Variants in CREBBP observed in about 807,000 individuals in gnomAD.
CREBBP encodes CREB binding lysine acetyltransferase, also known as CREB-binding protein.
Under a neutral mutation model 265.0 loss-of-function variants are expected in CREBBP, and 19 were observed. That is an observed-to-expected ratio of 0.07 (90% confidence interval 0.05 to 0.11). CREBBP has a LOEUF of 0.11. Among genes scored for constraint, CREBBP ranks in the 10% least tolerant of loss-of-function variants. The pLI is 1.00. For missense variants in CREBBP, 2,525 were observed against 3,219.0 expected (o/e 0.78, Z 5.22); for synonymous variants, 1,457 against 1,223.7 (o/e 1.19, Z -3.98).
chr16:3,807,263 T>C (rs2053849139), intron 3 of CREBBP, among the ~76,000 whole-genome samples: 1 of 152,194 alleles, frequency 6.6e-6, no homozygotes, highest in African/African-American at 2.4e-5. Flanking sequence ...AAGAGCTCCC[T>C]GGCCCAAGAC....
chr16:3,745,843 C>T (rs1267022884), intron 21 of CREBBP, among the ~76,000 whole-genome samples: 4 of 152,202 alleles, frequency 2.6e-5, no homozygotes, highest in African/African-American at 7.2e-5. Flanking sequence ...ACGCTAGGCG[C>T]GAGGCACAAA....
At chr16:3,767,565 G>C in intron 16 of CREBBP, 155 bp downstream of exon 16, 2 of 984,872 alleles carry the variant, frequency 2.0e-6, no homozygotes, top group Non-Finnish European at 3.0e-6. Flanking sequence ...CTCAGCCTGA[G>C]TGTTTCTGCA....
chr16:3,785,470 G>A (rs1473209127), intron 5 of CREBBP, among the ~76,000 whole-genome samples: 8 of 152,208 alleles, frequency 5.3e-5, no homozygotes, highest in Admixed American at 2.0e-4. Flanking sequence ...CTCATGTCAC[G>A]TTCCCTGTGC....
chr16:3,795,410 G>T (rs149314423), intron 3 of CREBBP, among the ~76,000 whole-genome samples: 3 of 151,868 alleles, frequency 2.0e-5, no homozygotes, highest in Non-Finnish European at 4.4e-5. Context: ...AAATGTTTAC[G>T]TATGAACCAT....
chr16:3,849,452 T>TGTGTGTGTGTGTG lies in CREBBP; in HGVS notation c.798+832_798+844dup, dbSNP rs2054772195. 5.2e-5 allele frequency among the ~76,000 whole-genome samples: 4 copies of TGTGTGTGTGTGTG among 76,224 alleles called. 1 individual carries two copies. Among genetic ancestry groups the TGTGTGTGTGTGTG allele is most frequent in the African/African-American group, 4.1e-5 (1 of 24,642 alleles). 50.0% of individuals were successfully genotyped at this position (76,224 alleles called of 152,430 possible). A position where few individuals can be genotyped will look rare whatever the true frequency, so the allele number is the denominator to read the frequency against. The stretch of plus-strand genomic sequence containing the variant: ...GTGTGTGTGTGTGTGTGTGTGTGTG[T>TGTGTGTGTGTGTG]GTGTGTGTGTGTGTGTGTGTGTGTG... On this transcript the variant is annotated intron_variant, in intron 2 of 30. Transcript: ENST00000262367.
At chr16:3,830,742 T>C (rs924634346) in intron 2 of CREBBP, among the ~76,000 whole-genome samples, 2 of 152,194 alleles carry the variant, frequency 1.3e-5, no homozygotes, top group Non-Finnish European at 2.9e-5. Context: ...CAACTTATTC[T>C]AATAGACAAT....
intron 18 of CREBBP, 135 bp from the exon 19 acceptor site, chr16:3,757,511 C>T (rs992864136): frequency 7.6e-6 from 7 of 915,740 alleles, no homozygotes; most frequent in African/African-American, 3.3e-5. Context: ...ATTTTAGTAG[C>T]TTTAAAGACA....
intron 16 of CREBBP, among the ~76,000 whole-genome samples, chr16:3,763,168 ATT>A (rs111950815): frequency 7.8e-5 from 11 of 141,374 alleles, no homozygotes; most frequent in Admixed American, 1.4e-4. Flanking sequence ...ACTGAAACCA[ATT>A]TTTTTTTTTT....
chr16:3,857,751 T>C (rs2054993725), intron 1 of CREBBP, among the ~76,000 whole-genome samples: 1 of 152,202 alleles, frequency 6.6e-6, no homozygotes, highest in Admixed American at 6.5e-5. Flanking sequence ...CGATATCAAA[T>C]AGCGAACACT....
At chr16:3,801,051 C>T (rs145942178) in intron 3 of CREBBP, among the ~76,000 whole-genome samples, 6 of 152,308 alleles carry the variant, frequency 3.9e-5, no homozygotes, top group Non-Finnish European at 4.4e-5. Context: ...TGAAGACACA[C>T]ACATCCCCGA....
At chr16:3,825,270 T>C (rs959154002) in intron 2 of CREBBP, among the ~76,000 whole-genome samples, 1 of 152,198 alleles carries the variant, frequency 6.6e-6, no homozygotes, top group Admixed American at 6.5e-5. Context: ...AAACATGAAA[T>C]GAATAATATG....
At chr16:3,875,334 A>G (rs1270072918) in intron 1 of CREBBP, among the ~76,000 whole-genome samples, 3 of 152,212 alleles carry the variant, frequency 2.0e-5, no homozygotes, top group African/African-American at 4.8e-5. Flanking sequence ...AAGCACGGTC[A>G]TGAAATGTCC....
In CREBBP at chr16:3,778,644, T is replaced by C. The variant is rs537997013; in HGVS notation, c.1941+56A>G. ...TTCCAGATAACAAAGCAGACAAATGTAGTGCTGTCTACTACAGATGCTGTA... is the reference window on the plus strand; with the variant it reads ...TTCCAGATAACAAAGCAGACAAATGCAGTGCTGTCTACTACAGATGCTGTA... On this transcript the variant is annotated intron_variant, in intron 9 of 30. Transcript: ENST00000262367. The C allele has an allele frequency of 7.5e-5, 98 of 1,310,362 alleles. 2 individuals are homozygous for C. The Middle Eastern group carries it at 9.2e-4, about 12-fold the overall frequency. The allele number at this position is 1,310,362 out of a possible 1,614,324, so 81.2% of individuals were successfully genotyped here.
chr16:3,727,458 C>G lies in CREBBP; in HGVS notation c.*260G>C, dbSNP rs896305093. 22 of 283,990 alleles carry G rather than the reference C, an allele frequency of 7.7e-5. No individual in the cohort carries two copies. The highest frequency in any genetic ancestry group is 1.8e-4 in the African/African-American group (8 of 44,072). The allele number at this position is 283,990 out of a possible 1,614,324, so 17.6% of individuals were successfully genotyped here. A position where few individuals can be genotyped will look rare whatever the true frequency, so the allele number is the denominator to read the frequency against. On this transcript the variant is annotated 3_prime_UTR_variant, in exon 31 of 31. Coordinates refer to ENST00000262367, the MANE Select transcript of CREBBP (RefSeq NM_004380.3). The stretch of plus-strand genomic sequence containing the variant: ...GAATCCAAACAAAACCCCCCTCCCC[C>G]CAAACAAAAACAAAACGGAAAAAAA...
In CREBBP at chr16:3,859,338, G is replaced by A. The variant is rs140368884; in HGVS notation, c.86-8329C>T. On this transcript the variant is annotated intron_variant, in intron 1 of 30. Coordinates refer to ENST00000262367, the MANE Select transcript of CREBBP (RefSeq NM_004380.3). ...CTCCCAAGTAGCTGGGATTACAGGC[G>A]CATACCACCACACCCGGCTAATTTT... 6.4e-3 allele frequency among the ~76,000 whole-genome samples: 976 copies of A among 152,010 alleles called. 8 individuals are homozygous for A. The highest frequency in any genetic ancestry group is 0.017 in the Middle Eastern group (5 of 294).
intron 2 of CREBBP, among the ~76,000 whole-genome samples, chr16:3,825,613 C>T (rs1205263043): frequency 6.6e-6 from 1 of 152,014 alleles, no homozygotes; most frequent in Non-Finnish European, 1.5e-5. Context: ...AAAATGAGAT[C>T]TACATCACAG....
chr16:3,861,883 T>C (rs1466451938), intron 1 of CREBBP, among the ~76,000 whole-genome samples: 2 of 152,100 alleles, frequency 1.3e-5, no homozygotes, highest in Admixed American at 6.5e-5. Flanking sequence ...AACAATGAGG[T>C]TGTACTTCAT....
intron 2 of CREBBP, among the ~76,000 whole-genome samples, chr16:3,817,667 G>C (rs1267572947): frequency 2.0e-5 from 3 of 152,200 alleles, no homozygotes; most frequent in East Asian, 1.9e-4. Flanking sequence ...CATCAAAATA[G>C]AAGTATTTCC....
At chr16:3,761,489 T>C (rs1175453724) in intron 16 of CREBBP, 2 of 513,940 alleles carry the variant, frequency 3.9e-6, no homozygotes, top group Non-Finnish European at 7.7e-6. Context: ...CCCATGTGTT[T>C]AACAGGCTCA....
Sources: gnomAD v4.1 joint callset for allele counts (sites outside exome capture counted in the v4.1 genomes callset) on GRCh38, gnomAD v4.1.1 for gene constraint, MANE v1.5 for transcripts, NCBI Gene and HGNC (gene_info 2026-07-23, HGNC 2026-07-21) for gene names.